DDX19B: variants seen among roughly 807,000 people sequenced by gnomAD.
The protein encoded by DDX19B is ATP-dependent RNA helicase DDX19B.
In DDX19B, 27 loss-of-function variants were observed where a neutral mutation model predicts 58.1. The ratio of observed to expected loss-of-function variants is 0.46; its 90% CI spans 0.34 to 0.64. The LOEUF is 0.64. Ranked by LOEUF, DDX19B falls within the 30% of genes least tolerant of loss-of-function variation. The pLI is 0.01. For synonymous variants in DDX19B, 187 were observed against 214.4 expected (o/e 0.87, Z 1.12); for missense variants, 399 against 596.5 (o/e 0.67, Z 3.45).
In DDX19B at chr16:70,314,755, A is replaced by G. The variant is rs756328255; in HGVS notation, c.107-147A>G. 5 of 708,082 alleles carry G rather than the reference A, an allele frequency of 7.1e-6. No homozygotes were observed. In the East Asian group the frequency reaches 1.5e-4, roughly 21 times the overall value. The allele number at this position is 708,082 out of a possible 1,614,324, so 43.9% of individuals were successfully genotyped here. Reference sequence around the variant, plus strand: ...CACCTTTGTTTATTTAGGGACAATAAAATGTTTTTATCAGCGGCTCGGTTT... The same window carrying G: ...CACCTTTGTTTATTTAGGGACAATAGAATGTTTTTATCAGCGGCTCGGTTT... On this transcript the variant is annotated intron_variant, in intron 2 of 11. Coordinates refer to ENST00000288071, the MANE Select transcript of DDX19B (RefSeq NM_007242.7).
chr16:70,330,477 A>C (rs941863270), intron 9 of DDX19B, among the ~76,000 whole-genome samples: 1 of 151,974 alleles, frequency 6.6e-6, no homozygotes, highest in African/African-American at 2.4e-5. Context: ...AATCCCAGCT[A>C]CTCAGGAGGC....
chr16:70,309,939 G>C (rs1294864240), intron 1 of DDX19B, among the ~76,000 whole-genome samples: 1 of 151,690 alleles, frequency 6.6e-6, no homozygotes, highest in African/African-American at 2.4e-5. Context: ...CCTGTTCTTG[G>C]ACTTAGAGGG....
upstream of DDX19B, among the ~76,000 whole-genome samples, chr16:70,296,657 T>G (rs1295478992): frequency 6.6e-6 from 1 of 152,180 alleles, no homozygotes; most frequent in Non-Finnish European, 1.5e-5. Context: ...GGGTTGCTTC[T>G]GAATTGATGA....
At chr16:70,318,334 A>G (rs933473752) in intron 5 of DDX19B, among the ~76,000 whole-genome samples, 1 of 151,932 alleles carries the variant, frequency 6.6e-6, no homozygotes. Context: ...AGATCACACC[A>G]GTGCACTCCA....
At chr16:70,314,814 A>C in intron 2 of DDX19B, 88 bp from the exon 3 acceptor site, 1 of 1,487,316 alleles carries the variant, frequency 6.7e-7, no homozygotes. Flanking sequence ...GGCCTTTACA[A>C]AAACTTCTAG....
chr16:70,303,374 C>T (rs534694485), intron 1 of DDX19B, among the ~76,000 whole-genome samples: 11 of 152,256 alleles, frequency 7.2e-5, no homozygotes, highest in Admixed American at 2.0e-4. Flanking sequence ...TCTTGGAACA[C>T]CTGGGTTCAA....
rs1347297757 is a variant in DDX19B, at chr16:70,299,226, C to A, written c.-72C>A. ...GGCTGGAGCAGAGCCTGCCGCGAAC[C>A]CCCGGAGCCCACGATCCCTCGTGCC... On this transcript the variant is annotated 5_prime_UTR_variant, in exon 1 of 12. Coordinates refer to ENST00000288071, the MANE Select transcript of DDX19B (RefSeq NM_007242.7). 2.1e-6 allele frequency: 3 copies of A among 1,460,900 alleles called. No homozygotes were observed. Among genetic ancestry groups the A allele is most frequent in the African/African-American group, 1.4e-5 (1 of 69,790 alleles). The allele number at this position is 1,460,900 out of a possible 1,614,324, so 90.5% of individuals were successfully genotyped here.
chr16:70,330,040 C>A lies in DDX19B; in HGVS notation c.995C>A (p.Thr332Asn), dbSNP rs1268242700. 2 of 1,613,992 alleles carry A rather than the reference C, an allele frequency of 1.2e-6. No homozygotes were observed. Among genetic ancestry groups the A allele is most frequent in the Non-Finnish European group, 1.7e-6 (2 of 1,179,876 alleles). ...QALCNLYGAI[T>N]IAQAMIFCHT... ...TTGTGTAACCTCTACGGGGCCATCACCATTGCTCAAGCCATGATCTTCTGC... is the reference window on the plus strand; with the variant it reads ...TTGTGTAACCTCTACGGGGCCATCAACATTGCTCAAGCCATGATCTTCTGC... Residue 332 changes from threonine to asparagine, a missense_variant, in exon 9 of 12, where the codon ACC becomes AAC. Physicochemically the swap from Thr to Asn is moderately conservative, Grantham distance 65. Transcript: ENST00000288071.
At chr16:70,326,737 C>T (rs1008321929) in intron 7 of DDX19B, among the ~76,000 whole-genome samples, 8 of 152,068 alleles carry the variant, frequency 5.3e-5, no homozygotes, top group Middle Eastern at 6.8e-3. Context: ...GGTTTCACCA[C>T]GTTGGCCAGG....
At chr16:70,326,368 T>C (rs1963143758) in intron 7 of DDX19B, among the ~76,000 whole-genome samples, 1 of 151,674 alleles carries the variant, frequency 6.6e-6, no homozygotes, top group African/African-American at 2.4e-5. Flanking sequence ...TCCCAGCTAC[T>C]TGCGAGGCTG....
chr16:70,311,634 T>A (rs1342083831), intron 1 of DDX19B, among the ~76,000 whole-genome samples: 1 of 152,128 alleles, frequency 6.6e-6, no homozygotes, highest in Non-Finnish European at 1.5e-5. Flanking sequence ...TTGAAATGTC[T>A]CTTTCCTTTC....
At chr16:70,293,373 G>A (rs556190423), upstream of DDX19B, among the ~76,000 whole-genome samples, 36 of 151,166 alleles carry the variant, frequency 2.4e-4, no homozygotes, top group Admixed American at 8.6e-4. Flanking sequence ...AGCCATGATC[G>A]TGCCACTGCA....
At chr16:70,310,471 G>A (rs1055691410) in intron 1 of DDX19B, among the ~76,000 whole-genome samples, 1 of 152,132 alleles carries the variant, frequency 6.6e-6, no homozygotes, top group African/African-American at 2.4e-5. Context: ...AGCCTTAGGA[G>A]GTTGAGGCTT....
At chr16:70,293,059 G>C (rs1287627671), upstream of DDX19B, among the ~76,000 whole-genome samples, 3 of 151,924 alleles carry the variant, frequency 2.0e-5, no homozygotes, top group East Asian at 5.8e-4. Context: ...CAGCCTGGGA[G>C]ACAAGAGGGA....
intron 1 of DDX19B, among the ~76,000 whole-genome samples, chr16:70,310,484 A>G (rs184878350): frequency 2.0e-5 from 3 of 152,194 alleles, no homozygotes; most frequent in East Asian, 1.9e-4. Flanking sequence ...TGAGGCTTCA[A>G]TGAGCCATGA....
At chr16:70,308,713 A>G (rs1216192660) in intron 1 of DDX19B, among the ~76,000 whole-genome samples, 1 of 151,448 alleles carries the variant, frequency 6.6e-6, no homozygotes, top group Non-Finnish European at 1.5e-5. Flanking sequence ...GAGTCTCACT[A>G]TGTTGCCCAG....
intron 1 of DDX19B, among the ~76,000 whole-genome samples, chr16:70,308,653 C>G (rs1484685908): frequency 6.6e-6 from 1 of 151,826 alleles, no homozygotes; most frequent in South Asian, 2.1e-4. Context: ...ATTCAAGTCA[C>G]AAGCCACCAT....
chr16:70,323,428 CTTTTTTT>C (rs1332976111), intron 5 of DDX19B, among the ~76,000 whole-genome samples: 2 of 141,220 alleles, frequency 1.4e-5, no homozygotes, highest in South Asian at 2.2e-4. Context: ...TTTCTTTTTT[CTTTTTTT>C]TTTTTTGACA....
At chr16:70,299,534 A>G (rs1245375927) in intron 1 of DDX19B, among the ~76,000 whole-genome samples, 180 bp downstream of exon 1, 1 of 152,208 alleles carries the variant, frequency 6.6e-6, no homozygotes, top group Non-Finnish European at 1.5e-5. Context: ...ACGTAAGCGC[A>G]GGTGAGTGCT....
Sources: gnomAD v4.1 joint callset for allele counts (sites outside exome capture counted in the v4.1 genomes callset) on GRCh38, gnomAD v4.1.1 for gene constraint, MANE v1.5 for transcripts, NCBI Gene and HGNC (gene_info 2026-07-23, HGNC 2026-07-21) for gene names.